SORCS1: variants seen among roughly 807,000 people sequenced by gnomAD.
SORCS1 encodes sortilin related VPS10 domain containing receptor 1, also known as VPS10 domain-containing receptor SorCS1.
Under a neutral mutation model 146.1 loss-of-function variants are expected in SORCS1, and 60 were observed. The ratio of observed to expected loss-of-function variants is 0.41; its 90% CI spans 0.33 to 0.51. The LOEUF is 0.51. Ranked by LOEUF, SORCS1 falls within the 20% of genes least tolerant of loss-of-function variation. The pLI is 0.21. For missense variants in SORCS1, 1,352 were observed against 1,487.6 expected (o/e 0.91, Z 1.50); for synonymous variants, 637 against 584.0 (o/e 1.09, Z -1.31).
chr10:107,071,021 C>G (rs1359372165), intron 1 of SORCS1, among the ~76,000 whole-genome samples: 1 of 152,072 alleles, frequency 6.6e-6, no homozygotes, highest in African/African-American at 2.4e-5. Context: ...CTAAATAATG[C>G]AAAAATGCAA....
At chr10:106,942,155 T>C (rs953196699) in intron 2 of SORCS1, among the ~76,000 whole-genome samples, 1 of 152,132 alleles carries the variant, frequency 6.6e-6, no homozygotes. Flanking sequence ...ATTCACAGAG[T>C]TCCCCGGGGA....
At chr10:106,851,573 T>A (rs1318618665) in intron 2 of SORCS1, among the ~76,000 whole-genome samples, 2 of 152,244 alleles carry the variant, frequency 1.3e-5, no homozygotes, top group Admixed American at 1.3e-4. Flanking sequence ...TATCTGTTCC[T>A]TCACACAATA....
intron 2 of SORCS1, among the ~76,000 whole-genome samples, chr10:106,912,839 C>T (rs368454562): frequency 3.3e-5 from 5 of 152,094 alleles, no homozygotes; most frequent in East Asian, 1.9e-4. Context: ...CCACCATGCC[C>T]GGCTAATTTT....
chr10:107,112,919 A>C (rs1965788038), intron 1 of SORCS1, among the ~76,000 whole-genome samples: 1 of 152,240 alleles, frequency 6.6e-6, no homozygotes, highest in East Asian at 1.9e-4. Flanking sequence ...GGGGACTTCA[A>C]TAACCCATTT....
At chr10:106,729,373 G>A (rs746084609) in intron 6 of SORCS1, among the ~76,000 whole-genome samples, 1 of 152,104 alleles carries the variant, frequency 6.6e-6, no homozygotes. Context: ...ACTGACAGGT[G>A]AGCAATTCAC....
chr10:106,624,637 A>G (rs1017224493), intron 19 of SORCS1, among the ~76,000 whole-genome samples: 2 of 152,184 alleles, frequency 1.3e-5, no homozygotes, highest in African/African-American at 4.8e-5. Context: ...CTGGGATTAC[A>G]GGCATGAGCC....
intron 6 of SORCS1, among the ~76,000 whole-genome samples, chr10:106,724,176 C>A (rs1234537886): frequency 6.6e-6 from 1 of 152,072 alleles, no homozygotes; most frequent in Non-Finnish European, 1.5e-5. Flanking sequence ...CCAACCCTTA[C>A]AATTGAAAGT....
intron 1 of SORCS1, among the ~76,000 whole-genome samples, chr10:107,041,838 C>T (rs1386444975): frequency 6.6e-6 from 1 of 152,048 alleles, no homozygotes; most frequent in Non-Finnish European, 1.5e-5. Context: ...GTTAAAGTGC[C>T]TCGATTTCTT....
intron 1 of SORCS1, among the ~76,000 whole-genome samples, chr10:106,967,693 A>C (rs1955564871): frequency 1.3e-5 from 2 of 152,178 alleles, no homozygotes; most frequent in Admixed American, 1.3e-4. Context: ...TTATAGTTAA[A>C]GAAACAAGCG....
intron 1 of SORCS1, among the ~76,000 whole-genome samples, chr10:107,107,654 G>A (rs568602282): frequency 4.6e-5 from 7 of 152,328 alleles, no homozygotes; most frequent in South Asian, 2.1e-4. Context: ...AATAGCCTTT[G>A]TGGGAACCTT....
At chr10:106,910,056 A>T (rs1001298539) in intron 2 of SORCS1, among the ~76,000 whole-genome samples, 2 of 152,212 alleles carry the variant, frequency 1.3e-5, no homozygotes, top group African/African-American at 4.8e-5. Flanking sequence ...AGCAAGGCCA[A>T]ATAACTTATC....
At chr10:107,168,353 T>C (rs973286375), upstream of SORCS1, among the ~76,000 whole-genome samples, 5 of 152,258 alleles carry the variant, frequency 3.3e-5, no homozygotes, top group African/African-American at 1.2e-4. Context: ...TCTTGCCAGA[T>C]CTTTCTAAGC....
chr10:106,894,270 C>T (rs867060326), intron 2 of SORCS1, among the ~76,000 whole-genome samples: 19 of 141,536 alleles, frequency 1.3e-4, no homozygotes, highest in African/African-American at 2.0e-4. Context: ...CGCACGTGTG[C>T]GTGTGTGTGT....
intron 24 of SORCS1, among the ~76,000 whole-genome samples, chr10:106,585,731 C>T (rs1266825334): frequency 6.6e-6 from 1 of 152,232 alleles, no homozygotes; most frequent in Non-Finnish European, 1.5e-5. Context: ...GCAATGGAAG[C>T]AATGGTGTGC....
chr10:107,000,791 AAATAT>A (rs1444552892), intron 1 of SORCS1, among the ~76,000 whole-genome samples: 2 of 152,182 alleles, frequency 1.3e-5, no homozygotes, highest in Non-Finnish European at 2.9e-5. Context: ...GGGCTCAAAT[AAATAT>A]AATATGAGGC....
intron 5 of SORCS1, among the ~76,000 whole-genome samples, chr10:106,760,207 G>A (rs1858975000): frequency 6.6e-6 from 1 of 151,916 alleles, no homozygotes; most frequent in African/African-American, 2.4e-5. Context: ...CACTTTGGGA[G>A]GCCGAGGTGG....
chr10:106,585,871 C>T (rs1016217226), intron 24 of SORCS1, among the ~76,000 whole-genome samples: 1 of 152,142 alleles, frequency 6.6e-6, no homozygotes, highest in Non-Finnish European at 1.5e-5. Context: ...TTATTCCAAC[C>T]AAAGCATGCT....
chr10:106,954,185 T>C (rs980410358), intron 2 of SORCS1, among the ~76,000 whole-genome samples: 4 of 152,216 alleles, frequency 2.6e-5, no homozygotes, highest in Non-Finnish European at 5.9e-5. Flanking sequence ...GAGTTATGAC[T>C]GCGTAAGCCT....
intron 2 of SORCS1, among the ~76,000 whole-genome samples, chr10:106,864,749 T>A (rs11193078): frequency 6.6e-6 from 1 of 152,012 alleles, no homozygotes; most frequent in South Asian, 2.1e-4. Context: ...GGGGTAGGGG[T>A]TGCCATATTG....
Sources: allele counts gnomAD v4.1 joint callset (sites outside exome capture counted in the v4.1 genomes callset), GRCh38; gene constraint gnomAD v4.1.1; transcripts MANE v1.5; gene names NCBI Gene and HGNC (gene_info 2026-07-23, HGNC 2026-07-21).